Variants in PCDH15 observed in about 807,000 individuals in gnomAD.
The protein encoded by PCDH15 is protocadherin related 15.
A neutral mutation model predicts 178.5 loss-of-function variants in PCDH15; 129 were observed. The ratio of observed to expected loss-of-function variants is 0.72; its 90% CI spans 0.63 to 0.84. The LOEUF (loss-of-function observed/expected upper bound fraction) is 0.84, where lower values mean the gene tolerates loss of function less well. Ranked by LOEUF, PCDH15 falls within the 40% of genes least tolerant of loss-of-function variation. PCDH15 has a pLI of 0.00. For missense variants in PCDH15, 2,230 were observed against 2,099.9 expected (o/e 1.06, Z -1.21); for synonymous variants, 800 against 732.0 (o/e 1.09, Z -1.50).
chr10:54,410,135 A>T (rs1257210891), intron 3 of PCDH15, among the ~76,000 whole-genome samples: 2 of 152,142 alleles, frequency 1.3e-5, no homozygotes, highest in African/African-American at 4.8e-5. Context: ...GTCAGTATTA[A>T]AACAATCAGG....
chr10:53,862,000 G>A (rs1237426519), intron 27 of PCDH15, among the ~76,000 whole-genome samples: 4 of 151,944 alleles, frequency 2.6e-5, no homozygotes, highest in Non-Finnish European at 2.9e-5. Context: ...GTTTCCACAT[G>A]AAATCTGAAA....
chr10:55,512,242 C>T (rs1403747517), intron 2 of PCDH15, among the ~76,000 whole-genome samples: 1 of 152,098 alleles, frequency 6.6e-6, no homozygotes, highest in Admixed American at 6.6e-5. Context: ...CCCTGTTAGA[C>T]TGGCTACTTT....
At chr10:55,350,416 C>G (rs1397362258) in intron 2 of PCDH15, among the ~76,000 whole-genome samples, 1 of 151,194 alleles carries the variant, frequency 6.6e-6, no homozygotes, top group African/African-American at 2.4e-5. Flanking sequence ...TTTTCAAAAT[C>G]CTTTTTTTCT....
At chr10:54,054,239 C>T (rs531603478) in intron 18 of PCDH15, among the ~76,000 whole-genome samples, 1 of 152,006 alleles carries the variant, frequency 6.6e-6, no homozygotes, top group Non-Finnish European at 1.5e-5. Flanking sequence ...GTAAAGCTGT[C>T]GGCTTTAATG....
At chr10:55,044,661 T>G (rs925377236) in intron 2 of PCDH15, among the ~76,000 whole-genome samples, 21 of 152,152 alleles carry the variant, frequency 1.4e-4, no homozygotes, top group African/African-American at 4.1e-4. Flanking sequence ...AACTTAATTA[T>G]GTACTATATG....
chr10:55,413,508 T>C (rs113328570), intron 2 of PCDH15, among the ~76,000 whole-genome samples: 1,888 of 151,850 alleles, frequency 0.012, 50 homozygotes, highest in African/African-American at 0.043. Context: ...AAGTCTGCTC[T>C]AAAATAGAAG....
In PCDH15 at chr10:54,213,966, G is replaced by C. The variant is rs967540606; in HGVS notation, c.1068C>G (p.Asp356Glu). 3 of 1,606,252 alleles carry C rather than the reference G, an allele frequency of 1.9e-6. No individual in the cohort carries two copies. In the African/African-American group the frequency reaches 4.0e-5, roughly 22 times the overall value. ...TAACCAAATCAAATTTCTGGTGAAAGTCTCTGTTTACTGGCTCCAGGAGAC... is the reference window on the plus strand; with the variant it reads ...TAACCAAATCAAATTTCTGGTGAAACTCTCTGTTTACTGGCTCCAGGAGAC... ...ELSLLEPVNRDFHQKFDLVIK... is the reference protein window; with the variant it reads ...ELSLLEPVNREFHQKFDLVIK... Residue 356 changes from aspartate to glutamate, a missense_variant, in exon 10 of 38, where the codon GAC becomes GAG. Asp to Glu is a conservative substitution (Grantham distance 45). Transcript: ENST00000644397.
intron 2 of PCDH15, among the ~76,000 whole-genome samples, chr10:54,626,383 G>C (rs889426694): frequency 6.6e-6 from 1 of 152,148 alleles, no homozygotes; most frequent in Non-Finnish European, 1.5e-5. Context: ...GGAGAAAATG[G>C]TTTCATGGGC....
At chr10:55,416,737 G>A (rs1008045909) in intron 2 of PCDH15, among the ~76,000 whole-genome samples, 5 of 151,708 alleles carry the variant, frequency 3.3e-5, no homozygotes, top group African/African-American at 4.8e-5. Flanking sequence ...GAATTAAAGG[G>A]ACAGGTGAGG....
chr10:55,032,297 G>C (rs1305393740), intron 2 of PCDH15, among the ~76,000 whole-genome samples: 1 of 152,146 alleles, frequency 6.6e-6, no homozygotes, highest in Non-Finnish European at 1.5e-5. Flanking sequence ...CTTTGTGAAA[G>C]GCAGCACTTA....
intron 37 of PCDH15, chr10:53,809,063 T>C: frequency 1.9e-6 from 3 of 1,613,064 alleles, no homozygotes; most frequent in South Asian, 2.2e-5. Flanking sequence ...GGCCTTCTTC[T>C]TGCAAGCACA....
intron 3 of PCDH15, among the ~76,000 whole-genome samples, chr10:54,496,297 G>T (rs2080104639): frequency 6.6e-6 from 1 of 152,044 alleles, no homozygotes. Flanking sequence ...TGGAGAGGAA[G>T]TCCTTTGGAG....
intron 2 of PCDH15, among the ~76,000 whole-genome samples, chr10:55,117,369 C>G (rs1432094549): frequency 6.6e-6 from 1 of 152,148 alleles, no homozygotes; most frequent in African/African-American, 2.4e-5. Context: ...TGTTTTTAAA[C>G]AGGCAAAAAG....
intron 18 of PCDH15, among the ~76,000 whole-genome samples, chr10:54,044,698 T>G (rs1156963258): frequency 6.6e-6 from 1 of 152,096 alleles, no homozygotes; most frequent in Admixed American, 6.6e-5. Flanking sequence ...AGGATGGCTA[T>G]CCAACCACGG....
At chr10:55,158,316 A>G (rs534578179) in intron 2 of PCDH15, among the ~76,000 whole-genome samples, 14 of 152,108 alleles carry the variant, frequency 9.2e-5, no homozygotes, top group Non-Finnish European at 1.5e-4. Flanking sequence ...ATGCTTTGGG[A>G]TTCTACTAAT....
intron 37 of PCDH15, chr10:53,809,141 TCTC>T (rs1272584101): frequency 3.1e-6 from 5 of 1,613,772 alleles, no homozygotes; most frequent in Admixed American, 1.7e-5. Flanking sequence ...GGGGTGGAAC[TCTC>T]CTCCTCCTCA....
chr10:53,866,489 CCTAAA>C lies in PCDH15; in HGVS notation c.3717+148_3717+152del, dbSNP rs200438398. On this transcript the variant is annotated intron_variant, in intron 27 of 37. Coordinates refer to ENST00000644397, the MANE Select transcript of PCDH15 (RefSeq NM_001384140.1). Reference sequence around the variant, plus strand: ...TATATGAACAATATATTTACATATTCCTAAACTATAGTGACTAACAATCTGAGTGA... The same window carrying C: ...TATATGAACAATATATTTACATATTCCTATAGTGACTAACAATCTGAGTGA... 8.1e-5 allele frequency among the ~76,000 whole-genome samples: 12 copies of C among 148,236 alleles called. No individual in the cohort carries two copies. In the East Asian group the frequency reaches 2.3e-3, roughly 29 times the overall value.
intron 15 of PCDH15, among the ~76,000 whole-genome samples, chr10:54,132,370 TA>T (rs1473761454): frequency 6.6e-6 from 1 of 152,130 alleles, no homozygotes; most frequent in Non-Finnish European, 1.5e-5. Context: ...CCCCTTCTTC[TA>T]AAGGAATAAA....
At chr10:54,952,180 C>A (rs1838362195) in intron 2 of PCDH15, among the ~76,000 whole-genome samples, 1 of 151,798 alleles carries the variant, frequency 6.6e-6, no homozygotes, top group Admixed American at 6.6e-5. Context: ...CCATTTTGAA[C>A]TAATTTTCAT....
Sources: allele counts gnomAD v4.1 joint callset (sites outside exome capture counted in the v4.1 genomes callset), GRCh38; gene constraint gnomAD v4.1.1; transcripts MANE v1.5; gene names NCBI Gene and HGNC (gene_info 2026-07-23, HGNC 2026-07-21).